Variants in NHS observed in about 807,000 individuals in gnomAD.
NHS encodes the protein actin remodeling regulator NHS.
NHS carries 5 observed loss-of-function variants against 72.5 expected under a neutral mutation model. The observed-to-expected ratio is 0.07, with a 90% CI of 0.04 to 0.14. The LOEUF (loss-of-function observed/expected upper bound fraction) is 0.14, where lower values mean the gene tolerates loss of function less well. Ranked by LOEUF, NHS falls within the 10% of genes least tolerant of loss-of-function variation. The pLI is 1.00. For synonymous variants in NHS, 464 were observed against 547.7 expected, an observed-to-expected ratio of 0.85 and a Z score of 2.13; for missense variants, 1,072 against 1,355.7, an observed-to-expected ratio of 0.79 and a Z score of 3.29.
intron 1 of NHS, among the ~76,000 whole-genome samples, chrX:17,403,385 G>A (rs1004863907): frequency 1.8e-5 from 2 of 111,826 alleles, no homozygotes; most frequent in African/African-American, 3.3e-5. Context: ...GACAAAGAAC[G>A]ATTGCAGGCT....
chrX:17,536,692 TAA>T (rs2065226116), intron 1 of NHS, among the ~76,000 whole-genome samples: 1 of 112,653 alleles, frequency 8.9e-6, no homozygotes, highest in South Asian at 3.7e-4. Context: ...TAAGAAAATC[TAA>T]AAGTATATTC....
chrX:17,726,507 G>T lies in NHS; in HGVS notation c.2401G>T (p.Val801Phe). 8.3e-7 allele frequency: 1 copy of T among 1,212,063 alleles called. No homozygotes were observed. Among genetic ancestry groups the T allele is most frequent in the Non-Finnish European group, 1.1e-6 (1 of 895,563 alleles). The change falls in exon 7 of 9, where the codon GTC becomes TTC. Residue 801 changes from valine to phenylalanine, a missense_variant. Val to Phe is a conservative substitution (Grantham distance 50, BLOSUM62 -1). Coordinates refer to ENST00000676302, the MANE Select transcript of NHS (RefSeq NM_001291867.2). ...TGGTCTCAAAGGTAATAAGAGCTAT[G>T]TCTGTCACTATGCAGCCCTGGGCCC... ...DCGLKGNKSY[V>F]CHYAALGPEN...
intron 1 of NHS, among the ~76,000 whole-genome samples, chrX:17,467,603 A>G (rs375196153): frequency 1.8e-5 from 2 of 112,495 alleles, no homozygotes; most frequent in Non-Finnish European, 3.8e-5. Flanking sequence ...TTTCTCACTT[A>G]AAGTGATTCC....
Position 17,376,653 on chromosome X carries a change from C to T in NHS, c.565+331C>T, listed in dbSNP as rs528812959. On this transcript the variant is annotated intron_variant, in intron 1 of 8. Coordinates refer to ENST00000676302, the MANE Select transcript of NHS (RefSeq NM_001291867.2). ...GGAGGCAGAGAGGGTCTGTCCTTCA[C>T]CACCGGGGCTCGCCTTTCACGTCCT... Among the ~76,000 whole-genome samples the T allele has an allele frequency of 1.2e-3, 132 of 112,654 alleles. 2 individuals are homozygous for T. The South Asian group carries it at 0.047, about 40-fold the overall frequency.
At chrX:17,585,944 T>C (rs766098325) in intron 1 of NHS, 1 of 110,248 alleles carries the variant, frequency 9.1e-6, no homozygotes, top group Non-Finnish European at 1.9e-5. Flanking sequence ...GCAGAAGAAA[T>C]GAGAAGAACC....
rs183870021 is a variant in NHS at position 17,695,851 on chromosome X, T to A, written c.852+3383T>A. On this transcript the variant is annotated intron_variant, in intron 3 of 8. Transcript: ENST00000676302. ...TTGTTAGCTGAAAATTCAAGGAGTA[T>A]CTCTAATTAAAGCCCATCTAAGAGT... Among the ~76,000 whole-genome samples the A allele has an allele frequency of 2.2e-3, 230 of 105,290 alleles. 1 individual carries two copies. Among genetic ancestry groups the A allele is most frequent in the Non-Finnish European group, 3.5e-3 (178 of 51,491 alleles). 91.4% of individuals were successfully genotyped at this position (105,290 alleles called of 115,157 possible). A position where few individuals can be genotyped will look rare whatever the true frequency, so the allele number is the denominator to read the frequency against.
rs1413793346 is a variant in NHS at position 17,728,282 on chromosome X, C to T, written c.4176C>T (p.Ser1392=). The T allele has an allele frequency of 1.7e-6, 2 of 1,211,595 alleles. No homozygotes were observed. Among genetic ancestry groups the T allele is most frequent in the Non-Finnish European group, 2.2e-6 (2 of 895,338 alleles). ...CAGCCAAAAGTGCCTCTGATAACAG[C>T]AAAGCAGAGGAGACCCAAGGAAATG... is the stretch of plus-strand genomic sequence containing the variant. The part of the protein sequence containing the change: ...GISAKSASDN[S]KAEETQGNVD... The change falls in exon 7 of 9, where the codon AGC becomes AGT. Residue 1392 remains serine (S), a synonymous_variant. Transcript: ENST00000676302.
chrX:17,649,993 T>C (rs183707659), intron 1 of NHS, among the ~76,000 whole-genome samples: 1 of 111,942 alleles, frequency 8.9e-6, no homozygotes, highest in Admixed American at 9.5e-5. Context: ...TTCAACTTGC[T>C]CCAGGGAAGT....
At chrX:17,632,682 A>G (rs2065826642) in intron 1 of NHS, among the ~76,000 whole-genome samples, 1 of 111,998 alleles carries the variant, frequency 8.9e-6, no homozygotes, top group Non-Finnish European at 1.9e-5. Flanking sequence ...TCAGTTCTAC[A>G]TGTGTAAAAT....
intron 1 of NHS, among the ~76,000 whole-genome samples, chrX:17,585,559 T>C (rs1389150837): frequency 9.1e-6 from 1 of 110,249 alleles, no homozygotes; most frequent in East Asian, 2.9e-4. Context: ...TTCTTCATGG[T>C]TGCTCTCTTC....
intron 2 of NHS, among the ~76,000 whole-genome samples, chrX:17,688,768 A>G (rs2066178856): frequency 8.9e-6 from 1 of 112,206 alleles, no homozygotes; most frequent in Non-Finnish European, 1.9e-5. Context: ...CAGTCCTGAG[A>G]AAGCTAGAGA....
intron 1 of NHS, among the ~76,000 whole-genome samples, chrX:17,684,082 T>C (rs1241311789): frequency 9.0e-6 from 1 of 111,381 alleles, no homozygotes; most frequent in Non-Finnish European, 1.9e-5. Flanking sequence ...TTCCCCTGCA[T>C]ATGCTCTCTT....
At chrX:17,472,404 C>T (rs112579788) in intron 1 of NHS, among the ~76,000 whole-genome samples, 37 of 111,064 alleles carry the variant, frequency 3.3e-4, no homozygotes, top group African/African-American at 1.2e-3. Flanking sequence ...AAAAGCATAT[C>T]TGTAGTGCCC....
chrX:17,446,656 CAAAA>C (rs565284624), intron 1 of NHS, among the ~76,000 whole-genome samples: 76 of 90,497 alleles, frequency 8.4e-4, no homozygotes, highest in African/African-American at 2.9e-3. Flanking sequence ...CCTTTTTGCC[CAAAA>C]AAAAAAAAAA....
At chrX:17,723,317 G>C (rs2066416569) in intron 5 of NHS, among the ~76,000 whole-genome samples, 1 of 111,796 alleles carries the variant, frequency 8.9e-6, no homozygotes, top group African/African-American at 3.3e-5. Context: ...CCAAAGCACG[G>C]CATTGTGACT....
chrX:17,383,637 A>G (rs150346468), intron 1 of NHS, among the ~76,000 whole-genome samples: 1,183 of 112,062 alleles, frequency 0.011, 7 homozygotes, highest in Non-Finnish European at 0.016. Flanking sequence ...ACCAGCTCTC[A>G]AGAGAACTTA....
At chrX:17,588,365 TA>T (rs2065586041) in intron 1 of NHS, among the ~76,000 whole-genome samples, 1 of 111,689 alleles carries the variant, frequency 9.0e-6, no homozygotes, top group Non-Finnish European at 1.9e-5. Context: ...TGGAAGGGAT[TA>T]AAAAATTTTG....
intron 1 of NHS, among the ~76,000 whole-genome samples, chrX:17,673,233 CACACAA>C (rs1316090140): frequency 1.1e-5 from 1 of 91,421 alleles, no homozygotes; most frequent in East Asian, 3.4e-4. Context: ...CACACACACA[CACACAA>C]GAAAGCTCGT....
intron 1 of NHS, among the ~76,000 whole-genome samples, chrX:17,516,571 GCACACACA>G (rs765423925): frequency 6.6e-4 from 61 of 91,773 alleles, no homozygotes; most frequent in African/African-American, 2.1e-3. Context: ...ACACACACGC[GCACACACA>G]CACACACACA....
Sources: allele counts gnomAD v4.1 joint callset (sites outside exome capture counted in the v4.1 genomes callset), GRCh38; gene constraint gnomAD v4.1.1; transcripts MANE v1.5; gene names NCBI Gene and HGNC (gene_info 2026-07-23, HGNC 2026-07-21).